DMD: variants seen among roughly 807,000 people sequenced by gnomAD.
DMD encodes mutant dystrophin.
Under a neutral mutation model 330.1 loss-of-function variants are expected in DMD, and 63 were observed. The observed-to-expected ratio is 0.19, with a 90% CI of 0.16 to 0.24. The LOEUF is 0.24. Ranked by LOEUF, DMD falls within the 10% of genes least tolerant of loss-of-function variation. DMD has a pLI of 1.00. For missense variants in DMD, 3,344 were observed against 2,684.1 expected (o/e 1.25, Z -5.43); for synonymous variants, 1,223 against 959.8 (o/e 1.27, Z -5.07).
At chrX:31,656,311 G>T (rs868241700) in intron 54 of DMD, among the ~76,000 whole-genome samples, 5 of 112,029 alleles carry the variant, frequency 4.5e-5, no homozygotes, top group Non-Finnish European at 9.4e-5. Context: ...ATATAAACTG[G>T]AAGTCATTCC....
intron 4 of DMD, among the ~76,000 whole-genome samples, chrX:32,843,073 G>A (rs1292636829): frequency 8.9e-6 from 1 of 112,129 alleles, no homozygotes; most frequent in Non-Finnish European, 1.9e-5. Context: ...CTCCCACAGT[G>A]CTGGGATTAC....
Position 32,252,719 on chromosome X carries a change from TATATAA to T in DMD, c.6290+34804_6290+34809del, listed in dbSNP as rs1569553622. Among the ~76,000 whole-genome samples the T allele has an allele frequency of 7.7e-4, 34 of 44,328 alleles. 1 individual carries two copies. Among genetic ancestry groups the T allele is most frequent in the African/African-American group, 2.0e-3 (19 of 9,516 alleles). 38.5% of individuals were successfully genotyped at this position (44,328 alleles called of 115,157 possible). A position where few individuals can be genotyped will look rare whatever the true frequency, so the allele number is the denominator to read the frequency against. ...ATAAATATATATAAATATATAAATA[TATATAA>T]ATATATAAATATATATATAAATATA... On this transcript the variant is annotated intron_variant, in intron 43 of 78. Transcript: ENST00000357033.
chrX:32,605,962 C>A (rs777239870), intron 12 of DMD, among the ~76,000 whole-genome samples: 4 of 109,965 alleles, frequency 3.6e-5, no homozygotes, highest in East Asian at 5.7e-4. Context: ...TACAGGCATG[C>A]AAAGTGAAAT....
chrX:31,527,952 A>G (rs761215229), intron 55 of DMD, among the ~76,000 whole-genome samples: 1 of 111,031 alleles, frequency 9.0e-6, no homozygotes, highest in Non-Finnish European at 1.9e-5. Flanking sequence ...GAACTCCGTT[A>G]TATTGACCTT....
chrX:31,243,119 G>GA (rs960075028), intron 63 of DMD, among the ~76,000 whole-genome samples: 26 of 111,398 alleles, frequency 2.3e-4, no homozygotes, highest in African/African-American at 8.2e-4. Context: ...ATTTATGGGG[G>GA]AAAAAAATCA....
intron 60 of DMD, among the ~76,000 whole-genome samples, chrX:31,408,450 C>T (rs1602552990): frequency 9.1e-6 from 1 of 110,485 alleles, no homozygotes; most frequent in Admixed American, 9.6e-5. Flanking sequence ...TTGTTGCCCA[C>T]ATTAGAGTGC....
chrX:32,794,724 G>A (rs766129482), intron 7 of DMD, among the ~76,000 whole-genome samples: 2 of 112,254 alleles, frequency 1.8e-5, no homozygotes, highest in South Asian at 3.7e-4. Flanking sequence ...AGAAGAAATC[G>A]TTGTCCAAGT....
intron 49 of DMD, among the ~76,000 whole-genome samples, chrX:31,822,654 GTGTGTGTGTGT>G (rs1470626260): frequency 3.4e-4 from 3 of 8,853 alleles, no homozygotes; most frequent in Admixed American, 2.8e-3. Context: ...AGGCAGAGGG[GTGTGTGTGTGT>G]GTGTGTGTGT....
At chrX:33,309,808 T>C (rs1182708513) in intron 1 of DMD, among the ~76,000 whole-genome samples, 1 of 111,000 alleles carries the variant, frequency 9.0e-6, no homozygotes, top group Non-Finnish European at 1.9e-5. Context: ...GATTATATTA[T>C]TATTACAAAA....
At chrX:32,753,645 T>A (rs931455541) in intron 7 of DMD, among the ~76,000 whole-genome samples, 1 of 112,266 alleles carries the variant, frequency 8.9e-6, no homozygotes, top group Non-Finnish European at 1.9e-5. Flanking sequence ...AGACTCTTGA[T>A]GCTTTGTCAG....
Position 31,402,952 on chromosome X carries a change from G to A in DMD, c.9084+41529C>T, listed in dbSNP as rs768752994. ...AAATAAAGATAATATAAATGAACAG[G>A]TCACTATGATTATTTGGGTTGCCTA... On this transcript the variant is annotated intron_variant, in intron 60 of 78. Coordinates refer to ENST00000357033, the MANE Select transcript of DMD (RefSeq NM_004006.3). 1.3e-4 allele frequency among the ~76,000 whole-genome samples: 15 copies of A among 111,415 alleles called. No individual in the cohort carries two copies. The South Asian group carries it at 5.4e-3, about 40-fold the overall frequency.
intron 50 of DMD, among the ~76,000 whole-genome samples, chrX:31,814,911 T>C (rs1037796632): frequency 8.9e-6 from 1 of 112,131 alleles, no homozygotes; most frequent in Admixed American, 9.5e-5. Flanking sequence ...CTGCCTGGTT[T>C]AGTGTGTTGT....
chrX:31,518,332 G>T (rs905773077), intron 55 of DMD, among the ~76,000 whole-genome samples: 21 of 111,131 alleles, frequency 1.9e-4, no homozygotes, highest in Non-Finnish European at 3.6e-4. Context: ...AAAATCCATA[G>T]AAAATACTGT....
chrX:33,240,122 A>G (rs370059662), intron 1 of DMD, among the ~76,000 whole-genome samples: 40 of 111,741 alleles, frequency 3.6e-4, no homozygotes, highest in African/African-American at 1.3e-3. Context: ...CCGTATCATC[A>G]TTAACTATAG....
In DMD at chrX:32,999,668, C is replaced by T. The variant is rs761857731; in HGVS notation, c.93+20471G>A. ...GCACGTGCCTGTAGTCCCAGCTACT[C>T]AGGAGGCTGAGGCAGGAGAATCGCT... On this transcript the variant is annotated intron_variant, in intron 2 of 78. Transcript: ENST00000357033. Among the ~76,000 whole-genome samples, 12 of 110,383 alleles carry T rather than the reference C, an allele frequency of 1.1e-4. No homozygotes were observed. In the South Asian group the frequency reaches 4.6e-3, roughly 43 times the overall value.
rs1480492343 is a variant in DMD at position 32,433,642 on chromosome X, T to A, written c.4071+4599A>T. Among the ~76,000 whole-genome samples, 8 of 111,340 alleles carry A rather than the reference T, an allele frequency of 7.2e-5. No individual in the cohort carries two copies. In the East Asian group the frequency reaches 2.0e-3, roughly 28 times the overall value. ...GCAGTGAGCTGAGATTGCACCCTTG[T>A]ACTCTAGCCTGGGCAACAGGGAAAG... On this transcript the variant is annotated intron_variant, in intron 29 of 78. Coordinates refer to ENST00000357033, the MANE Select transcript of DMD (RefSeq NM_004006.3).
chrX:32,500,048 G>T (rs1001869950), intron 19 of DMD, among the ~76,000 whole-genome samples: 2 of 110,353 alleles, frequency 1.8e-5, no homozygotes, highest in Non-Finnish European at 3.8e-5. Flanking sequence ...GTATCAGTTC[G>T]ACCATATCTT....
At chrX:32,312,321 A>T (rs1305528851) in intron 41 of DMD, among the ~76,000 whole-genome samples, 1 of 110,767 alleles carries the variant, frequency 9.0e-6, no homozygotes, top group Non-Finnish European at 1.9e-5. Context: ...TAATTCTAAG[A>T]TGTTTTTATC....
At chrX:32,411,422 C>T (rs1316550852) in intron 30 of DMD, among the ~76,000 whole-genome samples, 2 of 111,394 alleles carry the variant, frequency 1.8e-5, no homozygotes, top group Admixed American at 9.6e-5. Flanking sequence ...AGCCACCACA[C>T]CCGGCCAAAA....
Sources: allele counts gnomAD v4.1 joint callset (sites outside exome capture counted in the v4.1 genomes callset), GRCh38; gene constraint gnomAD v4.1.1; transcripts MANE v1.5; gene names NCBI Gene and HGNC (gene_info 2026-07-23, HGNC 2026-07-21).